The following SLCO4A1 variants were observed in gnomAD, a reference collection of about 807,000 sequenced individuals.
The protein encoded by SLCO4A1 is solute carrier organic anion transporter family member 4A1, also known as colon organic anion transporter.
A neutral mutation model predicts 64.6 loss-of-function variants in SLCO4A1; 51 were observed. That is an observed-to-expected ratio of 0.79 (90% confidence interval 0.63 to 1.00). The LOEUF (loss-of-function observed/expected upper bound fraction) is 1.00, where lower values mean the gene tolerates loss of function less well. Among genes scored for constraint, SLCO4A1 ranks in the 50% least tolerant of loss-of-function variants. SLCO4A1 has a pLI of 0.00. For missense variants in SLCO4A1, 919 were observed against 980.5 expected (o/e 0.94, Z 0.84); for synonymous variants, 471 against 444.9 (o/e 1.06, Z -0.74).
At position 62,685,406 on chromosome 20, in the gene SLCO4A1, T is replaced by A. The variant is rs1285564788; in HGVS notation, n.212-35T>A. The stretch of plus-strand genomic sequence containing the variant: ...TCTGCTGTGGCCTGACCAAGCGGGC[T>A]GTTTTCTTGCTTTGTTTGTTGTTTT... On this transcript the variant is annotated intron_variant and non_coding_transcript_variant, in intron 2 of 2. Coordinates refer to the SLCO4A1 transcript ENST00000466818. The surrounding 1 kb of genome is among the most constrained non-coding windows in gnomAD (Gnocchi z 4.6). 1.2e-5 allele frequency: 12 copies of A among 982,810 alleles called. No individual in the cohort carries two copies. The highest frequency in any genetic ancestry group is 1.7e-5 in the African/African-American group (1 of 57,194). 60.9% of individuals were successfully genotyped at this position (982,810 alleles called of 1,614,324 possible).
Position 62,656,446 on chromosome 20 carries a change from G to C in SLCO4A1, c.-9G>C. The stretch of plus-strand genomic sequence containing the variant: ...TGAAGCCTCGAGGTCACCAGGCGGA[G>C]GCGCGGAGATGCCCCTGCATCAGCT... On this transcript the variant is annotated 5_prime_UTR_variant, in exon 2 of 12. Transcript: ENST00000217159. The C allele has an allele frequency of 6.8e-7, 1 of 1,465,242 alleles. No homozygotes were observed. The highest frequency in any genetic ancestry group is 9.0e-7 in the Non-Finnish European group (1 of 1,108,366). 90.8% of individuals were successfully genotyped at this position (1,465,242 alleles called of 1,614,324 possible).
chr20:62,671,934 T>C lies in SLCO4A1; in HGVS notation c.*41T>C, dbSNP rs1018408443. On this transcript the variant is annotated 3_prime_UTR_variant, in exon 12 of 12. Transcript: ENST00000217159. ...ACCCGGCCACGGCGGGCACTCAGCA[T>C]TTCCTGATGACAGAACAGTGCCGTT... The C allele has an allele frequency of 4.4e-6, 7 of 1,604,050 alleles. No individual in the cohort carries two copies. In the African/African-American group the frequency reaches 5.3e-5, roughly 12 times the overall value.
downstream of SLCO4A1, among the ~76,000 whole-genome samples, chr20:62,688,358 A>AC (rs1319637305): frequency 5.3e-5 from 8 of 150,804 alleles, no homozygotes; most frequent in Admixed American, 4.0e-4. Context: ...TTACCCATGC[A>AC]CCCCCCAGCC....
downstream of SLCO4A1, among the ~76,000 whole-genome samples, chr20:62,676,617 CAACA>C (rs1310750590): frequency 2.0e-5 from 3 of 152,184 alleles, no homozygotes; most frequent in East Asian, 3.8e-4. Context: ...AAAACAAAAG[CAACA>C]AACAAACAAA....
intron 10 of SLCO4A1, 140 bp downstream of exon 10, chr20:62,668,681 C>T (rs913884972): frequency 1.8e-5 from 16 of 893,596 alleles, no homozygotes; most frequent in Non-Finnish European, 2.7e-5. Flanking sequence ...CATTCCCTAA[C>T]TGTCCACTAG....
chr20:62,668,641 C>A, intron 10 of SLCO4A1, 100 bp downstream of exon 10: 1 of 1,182,580 alleles, frequency 8.5e-7, no homozygotes, highest in Non-Finnish European at 1.3e-6. Context: ...TGCTTCCCAG[C>A]AGGAGGCTGT....
downstream of SLCO4A1, among the ~76,000 whole-genome samples, chr20:62,689,731 G>A (rs148448438): frequency 2.0e-4 from 30 of 152,364 alleles, no homozygotes; most frequent in East Asian, 5.6e-3. Flanking sequence ...AACTTGCGGG[G>A]GCTCAGGCAG....
rs754787872 is a variant in SLCO4A1 at position 62,669,065 on chromosome 20, G to A, written c.2012G>A (p.Gly671Glu). The A allele has an allele frequency of 4.3e-6, 7 of 1,610,588 alleles. No homozygotes were observed. In the Admixed American group the frequency reaches 1.2e-4, roughly 27 times the overall value. ...ATGAGCCGCTACATACTCATCATGGGGCTCCTGTACAAGGTAAGCAGGCCC... is the reference window on the plus strand; with the variant it reads ...ATGAGCCGCTACATACTCATCATGGAGCTCCTGTACAAGGTAAGCAGGCCC... The part of the protein sequence containing the change: ...SAMSRYILIM[G>E]LLYKVLGVLF... Residue 671 changes from glycine (G) to glutamate (E), a missense_variant, in exon 11 of 12, where the codon GGG becomes GAG. Transcript: ENST00000217159.
At chr20:62,652,528 C>T (rs1982774518) in intron 1 of SLCO4A1, among the ~76,000 whole-genome samples, 1 of 152,220 alleles carries the variant, frequency 6.6e-6, no homozygotes. Flanking sequence ...ACACATGCTC[C>T]TGGGACGTCA....
intron 10 of SLCO4A1, 138 bp from the exon 11 acceptor site, chr20:62,668,792 C>G (rs1986833406): frequency 2.2e-6 from 2 of 904,160 alleles, no homozygotes; most frequent in South Asian, 3.4e-5. Context: ...ACGTTTAAGC[C>G]CTCTTTGCAC....
At chr20:62,657,710 C>G (rs1601634755) in intron 2 of SLCO4A1, among the ~76,000 whole-genome samples, 1 of 152,226 alleles carries the variant, frequency 6.6e-6, no homozygotes, top group African/African-American at 2.4e-5. Context: ...CATGTTGGCT[C>G]CATCAGCCAC....
In SLCO4A1 at chr20:62,661,023, G is replaced by GCCCCCCA; in HGVS notation, c.1010-36_1010-35insCACCCCC. ...CTCTCGGAGAAGTCCACCTCCGGGA[G>GCCCCCCA]CCCCCAGCCCCCAGCCCCAGCTCAC... On this transcript the variant is annotated intron_variant, in intron 4 of 11. Transcript: ENST00000217159. The surrounding 1 kb of genome is among the most constrained non-coding windows in gnomAD (Gnocchi z 5.2). The GCCCCCCA allele has an allele frequency of 4.1e-6, 3 of 732,778 alleles. No homozygotes were observed. Among genetic ancestry groups the GCCCCCCA allele is most frequent in the Non-Finnish European group, 5.0e-6 (2 of 399,748 alleles). The allele number at this position is 732,778 out of a possible 1,614,324, so 45.4% of individuals were successfully genotyped here. A position where few individuals can be genotyped will look rare whatever the true frequency, so the allele number is the denominator to read the frequency against.
chr20:62,683,431 G>C (rs1263384371), intron 2 of SLCO4A1, among the ~76,000 whole-genome samples: 1 of 152,168 alleles, frequency 6.6e-6, no homozygotes, highest in East Asian at 1.9e-4. Context: ...ATGGGCGCTT[G>C]GCGGGACGGA....
chr20:62,655,641 G>A (rs976453442), intron 1 of SLCO4A1, among the ~76,000 whole-genome samples: 3 of 152,166 alleles, frequency 2.0e-5, no homozygotes, highest in Non-Finnish European at 4.4e-5. Flanking sequence ...ACGTTCTCCT[G>A]GTAACTGGTC....
chr20:62,652,744 G>C (rs1192348512), intron 1 of SLCO4A1, among the ~76,000 whole-genome samples: 2 of 152,226 alleles, frequency 1.3e-5, no homozygotes, highest in African/African-American at 4.8e-5. Context: ...ATAAACCCCC[G>C]GGTGTGGCCG....
intron 7 of SLCO4A1, chr20:62,667,511 G>A (rs556844737): frequency 1.5e-5 from 8 of 536,424 alleles, no homozygotes; most frequent in South Asian, 5.9e-5. Flanking sequence ...TCAGGCGGAC[G>A]GTGCTGGGGG....
downstream of SLCO4A1, among the ~76,000 whole-genome samples, chr20:62,675,042 C>T (rs74312468): frequency 0.041 from 6,227 of 152,250 alleles, 215 homozygotes; most frequent in East Asian, 0.13. Flanking sequence ...CTGTCCCGCT[C>T]CATGCCCTGC....
rs1285476901 is a variant in SLCO4A1 at position 62,661,309 on chromosome 20, A to G, written c.1121+134A>G. 1 of 664,082 alleles carries G rather than the reference A, an allele frequency of 1.5e-6. No homozygotes were observed. The highest frequency in any genetic ancestry group is 2.7e-6 in the Non-Finnish European group (1 of 373,692). The allele number at this position is 664,082 out of a possible 1,614,324, so 41.1% of individuals were successfully genotyped here. A position where few individuals can be genotyped will look rare whatever the true frequency, so the allele number is the denominator to read the frequency against. ...TAACCTCTGTCGTGACCCTGGGCCA[A>G]GAGATTAAGGAGCAACAGATAGAGC... On this transcript the variant is annotated intron_variant, in intron 5 of 11. Coordinates refer to ENST00000217159, the MANE Select transcript of SLCO4A1 (RefSeq NM_016354.4). The surrounding 1 kb of genome is among the most constrained non-coding windows in gnomAD (Gnocchi z 5.2).
intron 5 of SLCO4A1, chr20:62,663,608 G>C (rs1985492988): frequency 6.6e-6 from 1 of 152,194 alleles, no homozygotes. Flanking sequence ...CTCTGCCCCT[G>C]GTCTATGTTA....
Sources: allele counts gnomAD v4.1 joint callset (sites outside exome capture counted in the v4.1 genomes callset), GRCh38; gene constraint gnomAD v4.1.1; non-coding constraint Gnocchi (gnomAD v3.1); transcripts MANE v1.5; gene names NCBI Gene and HGNC (gene_info 2026-07-23, HGNC 2026-07-21).